The following SEC24D variants were observed in gnomAD, a reference collection of about 807,000 sequenced individuals.
SEC24D encodes the protein protein transport protein Sec24D.
Under a neutral mutation model 116.9 loss-of-function variants are expected in SEC24D, and 69 were observed. That is an observed-to-expected ratio of 0.59 (90% CI 0.49 to 0.72). SEC24D has a LOEUF of 0.72. Among genes scored for constraint, SEC24D ranks in the 30% least tolerant of loss-of-function variants. The pLI, the probability that SEC24D is intolerant of heterozygous loss-of-function variation, is 0.00. For synonymous variants in SEC24D, 405 were observed against 442.8 expected (o/e 0.91, Z 1.07); for missense variants, 1,131 against 1,264.1 (o/e 0.89, Z 1.60).
At chr4:118,815,764 A>G in intron 4 of SEC24D, 38 bp from the exon 5 acceptor site, 1 of 1,605,222 alleles carries the variant, frequency 6.2e-7, no homozygotes, top group Non-Finnish European at 8.5e-7. Flanking sequence ...TAAATACCAC[A>G]TTTCTCAACT....
chr4:118,822,862 C>T (rs1047548449), intron 3 of SEC24D, among the ~76,000 whole-genome samples: 1 of 152,106 alleles, frequency 6.6e-6, no homozygotes, highest in Non-Finnish European at 1.5e-5. Flanking sequence ...TGTGAGCCAC[C>T]ACACCTGGCA....
At chr4:118,801,115 A>G (rs1459807217) in intron 7 of SEC24D, among the ~76,000 whole-genome samples, 1 of 152,080 alleles carries the variant, frequency 6.6e-6, no homozygotes, top group Non-Finnish European at 1.5e-5. Flanking sequence ...CAAAAAAATC[A>G]GCCGGGCATG....
At chr4:118,790,505 C>G (rs1728848266) in intron 8 of SEC24D, among the ~76,000 whole-genome samples, 1 of 152,136 alleles carries the variant, frequency 6.6e-6, no homozygotes, top group Non-Finnish European at 1.5e-5. Context: ...AAAGGGTTTA[C>G]AGCATAACCA....
At chr4:118,748,898 G>C (rs1475327817) in intron 13 of SEC24D, among the ~76,000 whole-genome samples, 1 of 152,024 alleles carries the variant, frequency 6.6e-6, no homozygotes, top group Non-Finnish European at 1.5e-5. Flanking sequence ...CATTGTTTGT[G>C]ATGCATTCCC....
intron 6 of SEC24D, among the ~76,000 whole-genome samples, chr4:118,807,491 G>GA (rs1729723878): frequency 1.4e-5 from 2 of 143,468 alleles, no homozygotes; most frequent in African/African-American, 5.2e-5. Context: ...AGGAATAAAA[G>GA]GAAAAAAAAA....
At chr4:118,728,908 T>C in intron 21 of SEC24D, 1 of 371,374 alleles carries the variant, frequency 2.7e-6, no homozygotes. Flanking sequence ...ATCACTGAAA[T>C]GATACAGCAC....
In SEC24D at chr4:118,723,436, T is replaced by G. The variant is rs1725243494; in HGVS notation, c.*79A>C. 7.1e-7 allele frequency: 1 copy of G among 1,405,688 alleles called. No homozygotes were observed. The highest frequency in any genetic ancestry group is 2.2e-5 in the Admixed American group (1 of 46,314). The allele number at this position is 1,405,688 out of a possible 1,614,324, so 87.1% of individuals were successfully genotyped here. ...AATGAGCAAGAAATCAAAACTAGCC[T>G]ATTATCATCTAGAAAATTAGGCACC... On this transcript the variant is annotated 3_prime_UTR_variant, in exon 23 of 23. Coordinates refer to ENST00000280551, the MANE Select transcript of SEC24D (RefSeq NM_014822.4).
rs1420173923 is a variant in SEC24D, at chr4:118,824,665, T to C, written c.203A>G (p.Gln68Arg). 6.2e-7 allele frequency: 1 copy of C among 1,608,490 alleles called. No individual in the cohort carries two copies. The highest frequency in any genetic ancestry group is 8.5e-7 in the Non-Finnish European group (1 of 1,177,964). ...GGCATGAGCTCCATTCTGACCAAAC[T>C]GATGGGGTCCAGGAGGTGGGGGACC... Reference protein sequence around the residue: ...PPGPPPPGPHQFGQNGAHATG... With the variant: ...PPGPPPPGPHRFGQNGAHATG... Residue 68 changes from glutamine to arginine, a missense_variant, in exon 3 of 23, where the codon CAG becomes CGG. Physicochemically the swap from Gln to Arg is conservative, Grantham distance 43. Transcript: ENST00000280551.
intron 11 of SEC24D, among the ~76,000 whole-genome samples, chr4:118,754,571 G>T (rs545486653): frequency 6.6e-6 from 1 of 152,072 alleles, no homozygotes; most frequent in African/African-American, 2.4e-5. Flanking sequence ...CCTGAGGGTC[G>T]GGTACAATGT....
At chr4:118,761,889 T>C (rs1727397411) in intron 10 of SEC24D, among the ~76,000 whole-genome samples, 1 of 152,218 alleles carries the variant, frequency 6.6e-6, no homozygotes, top group Non-Finnish European at 1.5e-5. Context: ...CTATGATTGT[T>C]CTATTCTTAC....
At chr4:118,789,252 G>T (rs903906670) in intron 8 of SEC24D, among the ~76,000 whole-genome samples, 1 of 152,222 alleles carries the variant, frequency 6.6e-6, no homozygotes, top group African/African-American at 2.4e-5. Flanking sequence ...TAAAAGAAGG[G>T]ATGACATGGT....
At chr4:118,744,290 G>C in intron 14 of SEC24D, 132 bp from the exon 15 acceptor site, 1 of 919,526 alleles carries the variant, frequency 1.1e-6, no homozygotes, top group Non-Finnish European at 1.6e-6. Context: ...TAAGTGAACT[G>C]GGCTGAAGAA....
intron 1 of SEC24D, among the ~76,000 whole-genome samples, chr4:118,835,141 C>T (rs767384785): frequency 1.9e-4 from 29 of 152,314 alleles, no homozygotes; most frequent in Non-Finnish European, 4.0e-4. Context: ...CAAGCTCATC[C>T]AACCAAGAGC....
At chr4:118,727,049 T>A (rs1725452248) in intron 22 of SEC24D, among the ~76,000 whole-genome samples, 1 of 152,222 alleles carries the variant, frequency 6.6e-6, no homozygotes, top group African/African-American at 2.4e-5. Flanking sequence ...ACAAGCCCTG[T>A]ATCTGCTATG....
intron 19 of SEC24D, among the ~76,000 whole-genome samples, chr4:118,734,492 C>T (rs1352349804): frequency 6.6e-6 from 1 of 152,056 alleles, no homozygotes; most frequent in African/African-American, 2.4e-5. Flanking sequence ...GGATCACAGG[C>T]GTGAGCCACC....
chr4:118,782,409 C>G (rs1257746151), intron 8 of SEC24D, among the ~76,000 whole-genome samples: 2 of 152,214 alleles, frequency 1.3e-5, no homozygotes, highest in Non-Finnish European at 2.9e-5. Flanking sequence ...GTATCACCAG[C>G]AGAGGCTCCA....
At chr4:118,782,270 G>A (rs968202487) in intron 8 of SEC24D, among the ~76,000 whole-genome samples, 2 of 152,228 alleles carry the variant, frequency 1.3e-5, no homozygotes, top group Non-Finnish European at 2.9e-5. Context: ...ATGGGGTTTT[G>A]GTGTGGATGT....
At chr4:118,806,101 A>G (rs1217153974) in intron 6 of SEC24D, 147 bp from the exon 7 acceptor site, 1 of 577,492 alleles carries the variant, frequency 1.7e-6, no homozygotes, top group Non-Finnish European at 3.0e-6. Context: ...AGTCTCACAC[A>G]CTCACACAAA....
At chr4:118,833,874 T>A (rs2110547028) in intron 1 of SEC24D, 137 bp from the exon 2 acceptor site, 1 of 534,388 alleles carries the variant, frequency 1.9e-6, no homozygotes, top group Non-Finnish European at 3.3e-6. Flanking sequence ...GAAATCTTTG[T>A]ATTATACAAT....
Sources: allele counts gnomAD v4.1 joint callset (sites outside exome capture counted in the v4.1 genomes callset), GRCh38; gene constraint gnomAD v4.1.1; transcripts MANE v1.5; gene names NCBI Gene and HGNC (gene_info 2026-07-23, HGNC 2026-07-21).